The following CENPE variants were observed in gnomAD, a reference collection of about 807,000 sequenced individuals.
The protein encoded by CENPE is centromere protein E.
A neutral mutation model predicts 336.1 loss-of-function variants in CENPE; 145 were observed. The observed-to-expected ratio is 0.43, with a 90% CI of 0.38 to 0.50. The LOEUF (loss-of-function observed/expected upper bound fraction) is 0.50, where lower values mean the gene tolerates loss of function less well. Among genes scored for constraint, CENPE ranks in the 20% least tolerant of loss-of-function variants. The pLI is 0.00. For missense variants in CENPE, 2,719 were observed against 3,023.3 expected (o/e 0.90, Z 2.36); for synonymous variants, 1,013 against 984.8 (o/e 1.03, Z -0.54).
chr4:103,195,251 A>G lies in CENPE; in HGVS notation c.358-18T>C. 1 of 1,563,548 alleles carries G rather than the reference A, an allele frequency of 6.4e-7. No homozygotes were observed. The highest frequency in any genetic ancestry group is 2.3e-5 in the East Asian group (1 of 43,254). On this transcript the variant is annotated intron_variant, in intron 4 of 48. Transcript: ENST00000265148. The stretch of plus-strand genomic sequence containing the variant: ...TCAGGAAACTAGAAGAAAAAAAATT[A>G]TATAAAAACACCAGGAAGCATCCAA...
intron 8 of CENPE, among the ~76,000 whole-genome samples, chr4:103,192,782 C>T (rs1757464781): frequency 6.8e-6 from 1 of 146,714 alleles, no homozygotes; most frequent in Admixed American, 6.7e-5. Context: ...ACAATTATAA[C>T]CATCTTTAGG....
chr4:103,150,249 G>C (rs1213560147), intron 26 of CENPE, among the ~76,000 whole-genome samples: 1 of 152,066 alleles, frequency 6.6e-6, no homozygotes, highest in Non-Finnish European at 1.5e-5. Context: ...AATTAGGTGA[G>C]ATAGTGAAAG....
At chr4:103,119,276 T>A (rs1337827709) in intron 44 of CENPE, among the ~76,000 whole-genome samples, 1 of 152,176 alleles carries the variant, frequency 6.6e-6, no homozygotes, top group Non-Finnish European at 1.5e-5. Flanking sequence ...ATGGTCTTTG[T>A]TTTTTCATTG....
chr4:103,186,855 A>T (rs1756818741), intron 8 of CENPE, among the ~76,000 whole-genome samples: 1 of 152,202 alleles, frequency 6.6e-6, no homozygotes, highest in Non-Finnish European at 1.5e-5. Flanking sequence ...GCTGGTCCCA[A>T]AAAGATCAAG....
Position 103,144,612 on chromosome 4 carries a change from CT to C in CENPE, c.4863del (p.Glu1622AsnfsTer12). The C allele has an allele frequency of 6.3e-7, 1 of 1,597,060 alleles. No individual in the cohort carries two copies. The highest frequency in any genetic ancestry group is 8.5e-7 in the Non-Finnish European group (1 of 1,172,856). The part of the protein sequence containing the change: ...ENTKEIVAKM[K>X]ESQEKEYQFL... ...AACTGATATTCTTTTTCTTGAGATT[CT>C]TTCATCTGAGAAAATTATAAAGTAA... On this transcript the variant is annotated frameshift_variant, in exon 33 of 49. Coordinates refer to ENST00000265148, the MANE Select transcript of CENPE (RefSeq NM_001813.3). LOFTEE classifies it high-confidence loss of function.
chr4:103,139,078 ATCCTGTGTAC>A (rs1752317739), intron 38 of CENPE, among the ~76,000 whole-genome samples: 1 of 109,778 alleles, frequency 9.1e-6, no homozygotes, highest in Non-Finnish European at 2.2e-5. Flanking sequence ...AAAAGTTCAT[ATCCTGTGTAC>A]ATTTTGCATT....
intron 44 of CENPE, among the ~76,000 whole-genome samples, chr4:103,117,992 C>T (rs1750292091): frequency 6.6e-6 from 1 of 152,114 alleles, no homozygotes; most frequent in Non-Finnish European, 1.5e-5. Context: ...ATCCATTTAC[C>T]CACTGAAAGA....
At position 103,140,244 on chromosome 4, in the gene CENPE, A is replaced by G; in HGVS notation, c.5913+12T>C. 1 of 1,582,166 alleles carries G rather than the reference A, an allele frequency of 6.3e-7. No individual in the cohort carries two copies. The highest frequency in any genetic ancestry group is 8.6e-7 in the Non-Finnish European group (1 of 1,168,106). ...ACAGTTACTTCCAAAAGAAGAACAA[A>G]ACAACACATACCTTTTTCTGTAATT... is the stretch of plus-strand genomic sequence containing the variant. On this transcript the variant is annotated intron_variant, in intron 37 of 48. Transcript: ENST00000265148.
chr4:103,130,407 A>G (rs1051166875), intron 42 of CENPE, among the ~76,000 whole-genome samples: 16 of 152,228 alleles, frequency 1.1e-4, no homozygotes, highest in African/African-American at 2.9e-4. Flanking sequence ...TTAAAAATAC[A>G]TTACCATTTA....
At chr4:103,135,140 C>T in intron 40 of CENPE, among the ~76,000 whole-genome samples, 1 of 152,148 alleles carries the variant, frequency 6.6e-6, no homozygotes. Context: ...TTATCTTTTC[C>T]AGAGTTCTGT....
chr4:103,119,757 G>A (rs2125861769), intron 44 of CENPE, among the ~76,000 whole-genome samples: 1 of 152,174 alleles, frequency 6.6e-6, no homozygotes, highest in Non-Finnish European at 1.5e-5. Flanking sequence ...CCCCAAAACA[G>A]GTCAGATTCA....
At chr4:103,166,732 TA>T (rs1432071504) in intron 16 of CENPE, among the ~76,000 whole-genome samples, 1 of 152,278 alleles carries the variant, frequency 6.6e-6, no homozygotes, top group Non-Finnish European at 1.5e-5. Context: ...TTTAACTACA[TA>T]AAACACTGGG....
intron 8 of CENPE, among the ~76,000 whole-genome samples, chr4:103,190,126 C>G (rs1423265922): frequency 1.3e-5 from 2 of 152,040 alleles, no homozygotes; most frequent in Admixed American, 6.6e-5. Flanking sequence ...CAAACCACTG[C>G]TCAAGGAAAT....
intron 9 of CENPE, 86 bp from the exon 10 acceptor site, chr4:103,183,374 T>C: frequency 9.6e-7 from 1 of 1,041,264 alleles, no homozygotes. Flanking sequence ...ATGAGAGAAA[T>C]TAGAGGGCAG....
intron 32 of CENPE, 141 bp downstream of exon 32, chr4:103,144,909 A>G (rs1752881461): frequency 2.8e-6 from 2 of 707,104 alleles, no homozygotes; most frequent in Middle Eastern, 4.2e-4. Flanking sequence ...TCAGTTGAAT[A>G]TAAGCAGTTT....
intron 21 of CENPE, 110 bp downstream of exon 21, chr4:103,160,515 A>G (rs1212995531): frequency 1.2e-6 from 1 of 835,556 alleles, no homozygotes; most frequent in South Asian, 1.9e-5. Flanking sequence ...CGTTTACAGT[A>G]TCTCTCTTGT....
chr4:103,120,098 G>A (rs779966149), intron 44 of CENPE, 50 bp downstream of exon 44: 2 of 1,350,842 alleles, frequency 1.5e-6, no homozygotes, highest in East Asian at 2.4e-5. Flanking sequence ...GAATTCAATA[G>A]GTTAAACAAA....
intron 8 of CENPE, among the ~76,000 whole-genome samples, chr4:103,188,289 G>C (rs1169128989): frequency 6.6e-6 from 1 of 152,148 alleles, no homozygotes; most frequent in Non-Finnish European, 1.5e-5. Flanking sequence ...TCTGCACCAA[G>C]CAGACCTAAT....
intron 16 of CENPE, among the ~76,000 whole-genome samples, chr4:103,164,951 G>A (rs1352853246): frequency 2.6e-5 from 4 of 151,998 alleles, no homozygotes; most frequent in Admixed American, 1.3e-4. Flanking sequence ...AGAAGAGATC[G>A]GGTGCATTCA....
Sources: gnomAD v4.1 joint callset for allele counts (sites outside exome capture counted in the v4.1 genomes callset) on GRCh38, gnomAD v4.1.1 for gene constraint, MANE v1.5 for transcripts, NCBI Gene and HGNC (gene_info 2026-07-23, HGNC 2026-07-21) for gene names.